SNX29: variants seen among roughly 807,000 people sequenced by gnomAD.
SNX29 encodes sorting nexin 29, also known as sorting nexin-29.
Under a neutral mutation model 102.1 loss-of-function variants are expected in SNX29, and 78 were observed. The ratio of observed to expected loss-of-function variants is 0.76; its 90% CI spans 0.64 to 0.92. SNX29 has a LOEUF of 0.92. Ranked by LOEUF, SNX29 falls within the 40% of genes least tolerant of loss-of-function variation. The pLI is 0.00. For synonymous variants in SNX29, 580 were observed against 414.5 expected, an observed-to-expected ratio of 1.40 and a Z score of -4.85; for missense variants, 1,280 against 1,061.7, an observed-to-expected ratio of 1.21 and a Z score of -2.86.
chr16:12,510,319 G>C (rs901078433), intron 19 of SNX29, among the ~76,000 whole-genome samples: 1 of 152,198 alleles, frequency 6.6e-6, no homozygotes, highest in East Asian at 1.9e-4. Flanking sequence ...GAGGTGGACC[G>C]TGGAGGCCCT....
At chr16:12,425,569 GA>G (rs2085039484) in intron 18 of SNX29, among the ~76,000 whole-genome samples, 1 of 138,894 alleles carries the variant, frequency 7.2e-6, no homozygotes, top group Non-Finnish European at 1.6e-5. Context: ...AGAGGGAATA[GA>G]AAACAGAGGC....
chr16:12,571,574 T>A lies in SNX29; in HGVS notation c.*2945T>A. On this transcript the variant is annotated 3_prime_UTR_variant, in exon 21 of 21. Transcript: ENST00000566228. ...GAATCCACACCGAATCCTTCTGTCT[T>A]CATGGCCTGCTGTGCTGAAACAGAA... The A allele has an allele frequency of 1.9e-6, 2 of 1,038,462 alleles. No homozygotes were observed. Among genetic ancestry groups the A allele is most frequent in the Non-Finnish European group, 2.3e-6 (2 of 855,568 alleles). 64.3% of individuals were successfully genotyped at this position (1,038,462 alleles called of 1,614,324 possible). A position where few individuals can be genotyped will look rare whatever the true frequency, so the allele number is the denominator to read the frequency against.
intron 4 of SNX29, among the ~76,000 whole-genome samples, chr16:12,032,259 A>T (rs1291935660): frequency 6.8e-6 from 1 of 147,096 alleles, no homozygotes; most frequent in Non-Finnish European, 1.5e-5. Flanking sequence ...GCTGGAGTAC[A>T]GTAAGTAGCG....
Position 12,570,411 on chromosome 16 carries a change from A to C in SNX29, c.*1782A>C, listed in dbSNP as rs574245956. 2.0e-4 allele frequency: 55 copies of C among 278,266 alleles called. No individual in the cohort carries two copies. Among genetic ancestry groups the C allele is most frequent in the East Asian group, 1.7e-3 (29 of 16,702 alleles). 17.2% of individuals were successfully genotyped at this position (278,266 alleles called of 1,614,324 possible). A position where few individuals can be genotyped will look rare whatever the true frequency, so the allele number is the denominator to read the frequency against. On this transcript the variant is annotated 3_prime_UTR_variant, in exon 21 of 21. Transcript: ENST00000566228. ...CCAAGGCCAGAGTGCACATCAGCTC[A>C]CATGACTGGCAACTCTAAATAGAGA... is the stretch of plus-strand genomic sequence containing the variant.
chr16:12,568,345 TTC>T (rs879508963), intron 20 of SNX29, among the ~76,000 whole-genome samples, 159 bp from the exon 21 acceptor site: 13 of 150,266 alleles, frequency 8.7e-5, no homozygotes, highest in Admixed American at 2.7e-4. Context: ...CAATAGGGGT[TTC>T]TCATTTCTTC....
chr16:12,422,217 G>A (rs1336501235), intron 18 of SNX29, among the ~76,000 whole-genome samples: 1 of 152,192 alleles, frequency 6.6e-6, no homozygotes, highest in Non-Finnish European at 1.5e-5. Flanking sequence ...ATGGCTGTGT[G>A]ACCTTGGGAA....
chr16:12,337,492 C>A (rs1375493485), intron 15 of SNX29, among the ~76,000 whole-genome samples: 1 of 152,056 alleles, frequency 6.6e-6, no homozygotes, highest in Non-Finnish European at 1.5e-5. Context: ...CAGGCACGTA[C>A]CATCATGCCC....
intron 2 of SNX29, among the ~76,000 whole-genome samples, chr16:12,000,834 G>A (rs1190162583): frequency 6.6e-6 from 1 of 152,188 alleles, no homozygotes; most frequent in East Asian, 1.9e-4. Context: ...AGCTCTGTGT[G>A]TACAGGGACA....
At chr16:12,554,934 G>A (rs751883077) in intron 20 of SNX29, among the ~76,000 whole-genome samples, 5 of 151,474 alleles carry the variant, frequency 3.3e-5, no homozygotes, top group Non-Finnish European at 5.9e-5. Context: ...AGGGCAGCAA[G>A]CACGGCCTCT....
chr16:12,210,325 CTTT>C (rs5815673), intron 14 of SNX29, among the ~76,000 whole-genome samples: 17 of 141,746 alleles, frequency 1.2e-4, no homozygotes, highest in Non-Finnish European at 1.2e-4. Flanking sequence ...GTTCCCTCCA[CTTT>C]TTTTTTTTTT....
intron 10 of SNX29, among the ~76,000 whole-genome samples, chr16:12,073,382 C>T (rs527402678): frequency 3.2e-4 from 48 of 152,122 alleles, no homozygotes; most frequent in African/African-American, 1.1e-3. Flanking sequence ...TCTTTGTTCT[C>T]GTTGGTTTCA....
intron 14 of SNX29, among the ~76,000 whole-genome samples, chr16:12,263,927 C>G (rs1043386784): frequency 6.6e-6 from 1 of 152,184 alleles, no homozygotes; most frequent in African/African-American, 2.4e-5. Context: ...GGTAGACGGT[C>G]AAGGTCATGA....
intron 18 of SNX29, among the ~76,000 whole-genome samples, chr16:12,438,975 C>G (rs2085669666): frequency 6.6e-6 from 1 of 152,194 alleles, no homozygotes; most frequent in African/African-American, 2.4e-5. Flanking sequence ...AGGCACCGGA[C>G]AGGATTGTCC....
intron 13 of SNX29, among the ~76,000 whole-genome samples, chr16:12,192,953 C>G (rs890256699): frequency 5.1e-4 from 78 of 152,132 alleles, no homozygotes; most frequent in African/African-American, 1.9e-3. Flanking sequence ...CCACCTGCCT[C>G]GGCCTCCCAA....
intron 20 of SNX29, among the ~76,000 whole-genome samples, chr16:12,543,158 G>A (rs965618756): frequency 6.6e-6 from 1 of 152,174 alleles, no homozygotes; most frequent in Non-Finnish European, 1.5e-5. Context: ...AAGCATAAGT[G>A]TTCTCATCAG....
intron 5 of SNX29, among the ~76,000 whole-genome samples, chr16:12,045,609 T>C (rs2151191789): frequency 1.4e-5 from 1 of 74,034 alleles, no homozygotes; most frequent in East Asian, 2.4e-4. Flanking sequence ...AGGCAGGCAT[T>C]ATATTATTAT....
At chr16:12,514,437 A>G (rs2089771830) in intron 19 of SNX29, among the ~76,000 whole-genome samples, 1 of 152,124 alleles carries the variant, frequency 6.6e-6, no homozygotes, top group African/African-American at 2.4e-5. Context: ...CGTAGAGCAG[A>G]GTGGATATAA....
intron 13 of SNX29, among the ~76,000 whole-genome samples, chr16:12,181,402 C>A (rs1256378309): frequency 6.6e-6 from 1 of 152,164 alleles, no homozygotes; most frequent in Non-Finnish European, 1.5e-5. Flanking sequence ...AGCAGGGCTT[C>A]CAGGTCCTAG....
intron 11 of SNX29, among the ~76,000 whole-genome samples, chr16:12,093,175 A>C (rs1255337193): frequency 6.6e-6 from 1 of 152,208 alleles, no homozygotes; most frequent in Non-Finnish European, 1.5e-5. Flanking sequence ...GAGCCACTAG[A>C]ATATTAGATA....
Sources: gnomAD v4.1 joint callset for allele counts (sites outside exome capture counted in the v4.1 genomes callset) on GRCh38, gnomAD v4.1.1 for gene constraint, MANE v1.5 for transcripts, NCBI Gene and HGNC (gene_info 2026-07-23, HGNC 2026-07-21) for gene names.